KMT2C: variants seen among roughly 807,000 people sequenced by gnomAD.
KMT2C encodes the protein histone-lysine N-methyltransferase 2C.
KMT2C carries 88 observed loss-of-function variants against 507.9 expected under a neutral mutation model. The ratio of observed to expected loss-of-function variants is 0.17; its 90% confidence interval spans 0.15 to 0.21. The LOEUF (loss-of-function observed/expected upper bound fraction) is 0.21, where lower values mean the gene tolerates loss of function less well. Ranked by LOEUF, KMT2C falls within the 10% of genes least tolerant of loss-of-function variation. The pLI is 1.00. For missense variants in KMT2C, 4,954 were observed against 5,957.8 expected, an observed-to-expected ratio of 0.83 and a Z score of 5.55; for synonymous variants, 2,049 against 2,080.8, an observed-to-expected ratio of 0.98 and a Z score of 0.42.
intron 23 of KMT2C, among the ~76,000 whole-genome samples, chr7:152,211,565 A>G (rs2094454594): frequency 6.6e-6 from 1 of 152,250 alleles, no homozygotes; most frequent in Non-Finnish European, 1.5e-5. Flanking sequence ...GCACACAAGG[A>G]CAGTAAAAAC....
At chr7:152,430,792 CA>C (rs2116789586) in intron 1 of KMT2C, among the ~76,000 whole-genome samples, 1 of 152,292 alleles carries the variant, frequency 6.6e-6, no homozygotes, top group South Asian at 2.1e-4. Flanking sequence ...CTCAGTCTCC[CA>C]AAAGTGCTGG....
At chr7:152,322,809 C>T (rs2096784249) in intron 3 of KMT2C, among the ~76,000 whole-genome samples, 1 of 151,774 alleles carries the variant, frequency 6.6e-6, no homozygotes, top group African/African-American at 2.4e-5. Flanking sequence ...ATATATGGAA[C>T]CCAAATAAAC....
chr7:152,430,184 GAAA>G (rs59960992), intron 1 of KMT2C, among the ~76,000 whole-genome samples: 1 of 87,130 alleles, frequency 1.1e-5, no homozygotes. Context: ...TCAAAAAAAA[GAAA>G]AAAAAAAAAA....
chr7:152,208,107 A>G (rs2094355958), intron 23 of KMT2C, among the ~76,000 whole-genome samples: 1 of 152,246 alleles, frequency 6.6e-6, no homozygotes, highest in African/African-American at 2.4e-5. Context: ...AAATTACTGC[A>G]TAAATGATCT....
In KMT2C at chr7:152,152,952, G is replaced by A. The variant is rs1307229120; in HGVS notation, c.12279C>T (p.Asn4093=). ...AITLHPTAAE[N]ISSVVAAFSD... is the part of the protein sequence containing the mutation. ...AAAATGCAGCCACAACACTGCTAAT[G>A]TTCTAAAACCAAATGCAAATGCTGT... Residue 4093 remains asparagine, a splice_region_variant and synonymous_variant, in exon 49 of 59, where the codon AAC becomes AAT. Transcript: ENST00000262189. 1.9e-6 allele frequency: 3 copies of A among 1,613,702 alleles called. No homozygotes were observed. Among genetic ancestry groups the A allele is most frequent in the South Asian group, 2.2e-5 (2 of 91,080 alleles).
chr7:152,400,016 A>C (rs535332611), intron 1 of KMT2C, among the ~76,000 whole-genome samples: 1 of 152,256 alleles, frequency 6.6e-6, no homozygotes, highest in East Asian at 1.9e-4. Context: ...AACAAAGAAA[A>C]GATCACTAGA....
chr7:152,183,139 G>A lies in KMT2C; in HGVS notation c.5100C>T (p.Asn1700=). ...RAPYVQKARD[N]RAALRINKVQ... ...CTTTATTAATGCGTAAAGCAGCTCT[G>A]TTATCTCTGGCTTTTTGCTTTGACA... The change falls in exon 35 of 59, where the codon AAC becomes AAT. Residue 1700 remains asparagine (N), a synonymous_variant. Coordinates refer to ENST00000262189, the MANE Select transcript of KMT2C (RefSeq NM_170606.3). 1 of 1,566,826 alleles carries A rather than the reference G, an allele frequency of 6.4e-7. No individual in the cohort carries two copies. The highest frequency in any genetic ancestry group is 8.6e-7 in the Non-Finnish European group (1 of 1,162,626).
In KMT2C at chr7:152,136,286, G is replaced by A. The variant is rs2089864444; in HGVS notation, c.*546C>T. On this transcript the variant is annotated 3_prime_UTR_variant, in exon 59 of 59. Transcript: ENST00000262189. ...TATTATCCCTTAGCTCTATCCCTAA[G>A]GAAGTCATTTCAGTACATTCCTTGT... 4.6e-6 allele frequency: 1 copy of A among 216,774 alleles called. No homozygotes were observed. Among genetic ancestry groups the A allele is most frequent in the Admixed American group, 5.8e-5 (1 of 17,214 alleles). The allele number at this position is 216,774 out of a possible 1,614,324, so 13.4% of individuals were successfully genotyped here.
chr7:152,234,648 C>T (rs1412991400), intron 16 of KMT2C, among the ~76,000 whole-genome samples: 3 of 152,068 alleles, frequency 2.0e-5, no homozygotes, highest in African/African-American at 7.2e-5. Flanking sequence ...CGCCTGTAAT[C>T]CCAGCACTTT....
intron 6 of KMT2C, among the ~76,000 whole-genome samples, chr7:152,305,871 C>T (rs892892516): frequency 6.6e-6 from 1 of 152,224 alleles, no homozygotes; most frequent in East Asian, 1.9e-4. Flanking sequence ...TCAAGGAGCC[C>T]TGGTTCCTTT....
In KMT2C at chr7:152,171,260, T is replaced by C; in HGVS notation, c.9453+4A>G. 2 of 1,598,046 alleles carry C rather than the reference T, an allele frequency of 1.3e-6. No homozygotes were observed. Among genetic ancestry groups the C allele is most frequent in the Non-Finnish European group, 8.5e-7 (1 of 1,170,486 alleles). ...CTAGAGGGACTCATTACAGGCAGTG[T>C]TACCTGAGGAATGGCCTGTGGTCCA... On this transcript the variant is annotated splice_donor_region_variant and intron_variant, in intron 40 of 58. Transcript: ENST00000262189.
At position 152,310,056 on chromosome 7, in the gene KMT2C, G is replaced by A. The variant is rs1176985236; in HGVS notation, c.759C>T (p.His253=). Residue 253 remains histidine, a synonymous_variant, in exon 6 of 59, where the codon CAC becomes CAT. Transcript: ENST00000262189. ...FDSTGTCWAH[H]RCVEWSLGVC... ...CTCCTAGTGACCACTCCACACAACGGTGATGAGCCCAACAAGTGCCTAAAA... is the reference window on the plus strand; with the variant it reads ...CTCCTAGTGACCACTCCACACAACGATGATGAGCCCAACAAGTGCCTAAAA... 6.2e-7 allele frequency: 1 copy of A among 1,612,846 alleles called. No homozygotes were observed. Among genetic ancestry groups the A allele is most frequent in the Admixed American group, 1.7e-5 (1 of 59,902 alleles).
chr7:152,381,368 G>T (rs1267591174), intron 1 of KMT2C, among the ~76,000 whole-genome samples: 1 of 151,854 alleles, frequency 6.6e-6, no homozygotes, highest in East Asian at 1.9e-4. Context: ...AGGGGGGGAG[G>T]GGTGCGGGTG....
chr7:152,363,344 A>G lies in KMT2C; in HGVS notation c.162-4669T>C, dbSNP rs146313508. ...AAGAAATGTGAAGTAAAAGAATACAACTAACTTTATTTGAGAAAATTTTCT... is the reference window on the plus strand; with the variant it reads ...AAGAAATGTGAAGTAAAAGAATACAGCTAACTTTATTTGAGAAAATTTTCT... On this transcript the variant is annotated intron_variant, in intron 1 of 58. Coordinates refer to ENST00000262189, the MANE Select transcript of KMT2C (RefSeq NM_170606.3). 4.1e-3 allele frequency among the ~76,000 whole-genome samples: 629 copies of G among 152,314 alleles called. 20 individuals are homozygous for G. The East Asian group carries it at 0.053, about 13-fold the overall frequency.
At chr7:152,299,643 C>T (rs2096548986) in intron 6 of KMT2C, among the ~76,000 whole-genome samples, 10 of 151,930 alleles carry the variant, frequency 6.6e-5, no homozygotes, top group Admixed American at 6.6e-4. Flanking sequence ...AGTAAGACCC[C>T]ATCTTGGCAG....
At chr7:152,245,486 T>A (rs2095457057) in intron 14 of KMT2C, among the ~76,000 whole-genome samples, 1 of 152,150 alleles carries the variant, frequency 6.6e-6, no homozygotes, top group East Asian at 1.9e-4. Context: ...TTATTTCACC[T>A]GTTTTTGTTT....
chr7:152,218,227 C>T (rs1250371668), intron 23 of KMT2C, among the ~76,000 whole-genome samples: 1 of 152,114 alleles, frequency 6.6e-6, no homozygotes, highest in Non-Finnish European at 1.5e-5. Flanking sequence ...TGCAGTGGCT[C>T]GATCTTGGCT....
At position 152,162,571 on chromosome 7, in the gene KMT2C, G is replaced by A. The variant is rs2092512373; in HGVS notation, c.11006C>T (p.Pro3669Leu). The A allele has an allele frequency of 1.2e-6, 2 of 1,614,070 alleles. No individual in the cohort carries two copies. Among genetic ancestry groups the A allele is most frequent in the Non-Finnish European group, 1.7e-6 (2 of 1,180,060 alleles). The stretch of plus-strand genomic sequence containing the variant: ...ACATAGCTGGCCTGCTGCCATATTG[G>A]GAGTGGATGGGCCGACTGGTTCCAC... ...ESVEPVGPST[P>L]NMAAGQLCTE... is the part of the protein sequence containing the mutation. The change falls in exon 43 of 59, where the codon CCC becomes CTC. Residue 3669 changes from proline to leucine, a missense_variant. This residue lies in a region of KMT2C where 801 missense variants were observed against 751.2 expected (regional missense o/e 1.07). Coordinates refer to ENST00000262189, the MANE Select transcript of KMT2C (RefSeq NM_170606.3).
Position 152,323,113 on chromosome 7 carries a change from A to T in KMT2C, c.389+7488T>A, listed in dbSNP as rs993213604. On this transcript the variant is annotated intron_variant, in intron 3 of 58. Transcript: ENST00000262189. The stretch of plus-strand genomic sequence containing the variant: ...TAGTATAGCCATTATGGAAAATGGT[A>T]AAGAGGTTCCTCAAAAAACTAAAAA... Among the ~76,000 whole-genome samples the T allele has an allele frequency of 1.8e-4, 27 of 152,036 alleles. 1 individual carries two copies. The highest frequency in any genetic ancestry group is 3.4e-4 in the Non-Finnish European group (23 of 67,990).
Sources: allele counts gnomAD v4.1 joint callset (sites outside exome capture counted in the v4.1 genomes callset), GRCh38; gene constraint gnomAD v4.1.1; regional missense constraint gnomAD v4.1.1; transcripts MANE v1.5; gene names NCBI Gene and HGNC (gene_info 2026-07-23, HGNC 2026-07-21).